Variants in NFATC1 observed in about 807,000 individuals in gnomAD.
NFATC1 encodes the protein nuclear factor of activated T cells 1.
Under a neutral mutation model 76.0 loss-of-function variants are expected in NFATC1, and 22 were observed. That is an observed-to-expected ratio of 0.29 (90% CI 0.21 to 0.41). The LOEUF (loss-of-function observed/expected upper bound fraction) is 0.41, where lower values mean the gene tolerates loss of function less well. NFATC1 is among the 10% of genes least tolerant of loss of function. The probability of loss-of-function intolerance (pLI) is 1.00; values close to 1 mark genes in which losing one functional copy is unlikely to be tolerated. For missense variants in NFATC1, 1,357 were observed against 1,337.7 expected, an observed-to-expected ratio of 1.01 and a Z score of -0.23; for synonymous variants, 704 against 613.1, an observed-to-expected ratio of 1.15 and a Z score of -2.19.
rs35589244 is a variant in NFATC1, at chr18:79,478,117, G to GCC, written c.2093-8123_2093-8122dup. On this transcript the variant is annotated intron_variant, in intron 8 of 9. Coordinates refer to ENST00000427363, the MANE Select transcript of NFATC1 (RefSeq NM_001278669.2). ...CCCAGGCCCCCGTTCTTGCCCCCAG[G>GCC]CCCCCCCCCGCCCACCCCCAGGTGC... Among the ~76,000 whole-genome samples the GCC allele has an allele frequency of 5.1e-3, 443 of 87,372 alleles. 2 individuals carry two copies. The highest frequency in any genetic ancestry group is 0.014 in the Admixed American group (110 of 7,934). The allele number at this position is 87,372 out of a possible 152,430, so 57.3% of individuals were successfully genotyped here. A position where few individuals can be genotyped will look rare whatever the true frequency, so the allele number is the denominator to read the frequency against.
chr18:79,511,535 A>G (rs995768771), intron 9 of NFATC1, among the ~76,000 whole-genome samples: 4 of 152,128 alleles, frequency 2.6e-5, no homozygotes, highest in African/African-American at 9.7e-5. Flanking sequence ...GCCATGGCAC[A>G]GTGGCGGCCG....
At chr18:79,464,043 A>C (rs1428240687) in intron 7 of NFATC1, among the ~76,000 whole-genome samples, 4 of 152,268 alleles carry the variant, frequency 2.6e-5, no homozygotes, top group Non-Finnish European at 5.9e-5. Flanking sequence ...AAGAAACTTA[A>C]GAGCACATGT....
chr18:79,408,985 A>C (rs1171167921), intron 1 of NFATC1, among the ~76,000 whole-genome samples: 1 of 116,370 alleles, frequency 8.6e-6, no homozygotes, highest in East Asian at 2.7e-4. Flanking sequence ...TCCATCATCA[A>C]ACCATTATTC....
intron 8 of NFATC1, among the ~76,000 whole-genome samples, chr18:79,473,811 CTG>C (rs2088895598): frequency 6.7e-6 from 1 of 148,818 alleles, no homozygotes; most frequent in Admixed American, 6.7e-5. Flanking sequence ...CTCACGCTCA[CTG>C]TTGACGTAAA....
intron 7 of NFATC1, among the ~76,000 whole-genome samples, chr18:79,466,215 T>G (rs2088486117): frequency 6.6e-6 from 1 of 152,368 alleles, no homozygotes; most frequent in Admixed American, 6.5e-5. Context: ...CTCTTAAGAT[T>G]TCATTGTTAA....
intron 1 of NFATC1, chr18:79,400,344 C>A: frequency 1.4e-6 from 2 of 1,392,942 alleles, no homozygotes; most frequent in Non-Finnish European, 1.9e-6. Flanking sequence ...AACCGAACCC[C>A]TGGCGGCCGC....
At chr18:79,418,500 A>G (rs2085954815) in intron 2 of NFATC1, among the ~76,000 whole-genome samples, 2 of 152,176 alleles carry the variant, frequency 1.3e-5, no homozygotes, top group Non-Finnish European at 2.9e-5. Context: ...CTCGGCCCAG[A>G]CTGGCCTTCT....
intron 9 of NFATC1, among the ~76,000 whole-genome samples, chr18:79,522,813 G>A (rs1029295392): frequency 6.6e-6 from 1 of 152,172 alleles, no homozygotes; most frequent in African/African-American, 2.4e-5. Context: ...CGTCCCCCAG[G>A]CACCAGCCAG....
Position 79,401,854 on chromosome 18 carries a change from A to T in NFATC1, c.127+5503A>T, listed in dbSNP as rs371056107. 5.9e-4 allele frequency among the ~76,000 whole-genome samples: 90 copies of T among 152,256 alleles called. No individual in the cohort carries two copies. The East Asian group carries it at 0.01, about 17-fold the overall frequency. On this transcript the variant is annotated intron_variant, in intron 1 of 9. Transcript: ENST00000427363. ...CTGACTGTGGGCCTGCGACAGGCCC[A>T]GTGCTGCCAGAACCCAGGCCCTACA...
chr18:79,421,703 G>C (rs984571188), intron 2 of NFATC1: 1 of 152,358 alleles, frequency 6.6e-6, no homozygotes, highest in African/African-American at 2.4e-5. Context: ...CGGAGTCCCT[G>C]TCCACAAGCT....
rs2084992406 is a variant in NFATC1 at position 79,396,048 on chromosome 18, G to A, written c.-177G>A. The A allele has an allele frequency of 1.4e-6, 1 of 725,392 alleles. No homozygotes were observed. The allele number at this position is 725,392 out of a possible 1,614,324, so 44.9% of individuals were successfully genotyped here. A position where few individuals can be genotyped will look rare whatever the true frequency, so the allele number is the denominator to read the frequency against. On this transcript the variant is annotated 5_prime_UTR_variant, in exon 1 of 10. Transcript: ENST00000427363. ...GCTCGGAGCCACCGCGCAGGTCCTA[G>A]GGCCGCGGCCGGGCCCCGCCACGCG...
Position 79,510,846 on chromosome 18 carries a change from C to T in NFATC1, c.2783-16682C>T, listed in dbSNP as rs394126. Among the ~76,000 whole-genome samples, 656 of 149,312 alleles carry T rather than the reference C, an allele frequency of 4.4e-3. 4 individuals are homozygous for T. Among genetic ancestry groups the T allele is most frequent in the African/African-American group, 0.016 (626 of 40,118 alleles). On this transcript the variant is annotated intron_variant, in intron 9 of 9. Transcript: ENST00000427363. ...CCGGGGCATCCTCTGCCGGGGCATC[C>T]TCTGCCGGGGCATCCTCTGCCGGGG... is the stretch of plus-strand genomic sequence containing the variant.
At chr18:79,520,356 G>A (rs911517477) in intron 9 of NFATC1, among the ~76,000 whole-genome samples, 4 of 138,054 alleles carry the variant, frequency 2.9e-5, no homozygotes, top group Non-Finnish European at 6.6e-5. Flanking sequence ...ACGTGTCCCG[G>A]TGGCTCTCAC....
chr18:79,481,222 G>A (rs577815233), intron 8 of NFATC1, among the ~76,000 whole-genome samples: 32 of 152,244 alleles, frequency 2.1e-4, no homozygotes, highest in Non-Finnish European at 3.5e-4. Flanking sequence ...TGGAACAGCA[G>A]GAAGGGGCAG....
At chr18:79,526,676 TTTA>T (rs1324046823) in intron 9 of NFATC1, among the ~76,000 whole-genome samples, 4 of 152,202 alleles carry the variant, frequency 2.6e-5, no homozygotes, top group African/African-American at 4.8e-5. Flanking sequence ...CCATCTGTGT[TTTA>T]TTATTGTTAT....
At chr18:79,508,633 G>A (rs924446730) in intron 9 of NFATC1, among the ~76,000 whole-genome samples, 5 of 151,702 alleles carry the variant, frequency 3.3e-5, no homozygotes, top group Admixed American at 6.6e-5. Flanking sequence ...CTCTGTCTCT[G>A]TCTCTCGGTC....
intron 2 of NFATC1, among the ~76,000 whole-genome samples, chr18:79,416,326 T>A (rs150015250): frequency 6.6e-6 from 1 of 152,322 alleles, no homozygotes; most frequent in Non-Finnish European, 1.5e-5. Context: ...CCAGGCTCAG[T>A]AGCGATTCCT....
chr18:79,438,999 C>T (rs1046669204), intron 3 of NFATC1, among the ~76,000 whole-genome samples: 4 of 152,162 alleles, frequency 2.6e-5, no homozygotes, highest in Admixed American at 6.5e-5. Context: ...TGTTAAAATG[C>T]GCGTCGGGCC....
At chr18:79,521,388 G>T (rs1348670812) in intron 9 of NFATC1, among the ~76,000 whole-genome samples, 29 of 111,532 alleles carry the variant, frequency 2.6e-4, no homozygotes, top group Non-Finnish European at 2.0e-4. Context: ...AGCATCCACT[G>T]ATGTGTGTGT....
Sources: gnomAD v4.1 joint callset for allele counts (sites outside exome capture counted in the v4.1 genomes callset) on GRCh38, gnomAD v4.1.1 for gene constraint, MANE v1.5 for transcripts, NCBI Gene and HGNC (gene_info 2026-07-23, HGNC 2026-07-21) for gene names.